The following AVL9 variants were observed in gnomAD, a reference collection of about 807,000 sequenced individuals.
AVL9 encodes late secretory pathway protein AVL9 homolog.
Under a neutral mutation model 79.2 loss-of-function variants are expected in AVL9, and 49 were observed. That is an observed-to-expected ratio of 0.62 (90% CI 0.49 to 0.79). The LOEUF is 0.79. AVL9 is among the 30% of genes least tolerant of loss of function. The pLI, the probability that AVL9 is intolerant of heterozygous loss-of-function variation, is 0.00. For synonymous variants in AVL9, 299 were observed against 280.6 expected (o/e 1.07, Z -0.65); for missense variants, 682 against 776.8 (o/e 0.88, Z 1.45).
In AVL9 at chr7:32,584,391, G is replaced by A. The variant is rs1283857367; in HGVS notation, c.*484G>A. ...CCTTCATTATTTTGCTGAATTATGT[G>A]ATGATTTTTTTGCTTTCTACCCACA... On this transcript the variant is annotated 3_prime_UTR_variant, in exon 16 of 16. Coordinates refer to ENST00000318709, the MANE Select transcript of AVL9 (RefSeq NM_015060.3). The A allele has an allele frequency of 6.5e-6, 1 of 153,520 alleles. No individual in the cohort carries two copies. The highest frequency in any genetic ancestry group is 1.5e-5 in the Non-Finnish European group (1 of 68,886). 9.5% of individuals were successfully genotyped at this position (153,520 alleles called of 1,614,324 possible).
At chr7:32,554,789 A>G (rs1002092105) in intron 8 of AVL9, among the ~76,000 whole-genome samples, 193 bp downstream of exon 8, 3 of 152,164 alleles carry the variant, frequency 2.0e-5, no homozygotes, top group Non-Finnish European at 2.9e-5. Flanking sequence ...TGTAGGTAAC[A>G]TACAACTCAA....
intron 9 of AVL9, 111 bp from the exon 10 acceptor site, chr7:32,558,818 T>G: frequency 9.0e-7 from 1 of 1,116,838 alleles, no homozygotes; most frequent in Non-Finnish European, 1.2e-6. Flanking sequence ...TTAATTAAAA[T>G]GTGTACAAGC....
At chr7:32,560,696 G>A (rs567517103) in intron 10 of AVL9, among the ~76,000 whole-genome samples, 51 of 152,174 alleles carry the variant, frequency 3.4e-4, no homozygotes, top group Non-Finnish European at 6.5e-4. Flanking sequence ...GGCATCTAGA[G>A]TAATGAATCT....
intron 1 of AVL9, among the ~76,000 whole-genome samples, chr7:32,516,565 G>A (rs967851078): frequency 1.3e-5 from 2 of 152,126 alleles, no homozygotes; most frequent in African/African-American, 4.8e-5. Flanking sequence ...GCAACGTGCA[G>A]CAGCCCTACA....
chr7:32,500,351 T>C (rs577768878), intron 1 of AVL9, among the ~76,000 whole-genome samples: 22 of 152,202 alleles, frequency 1.4e-4, no homozygotes, highest in African/African-American at 5.1e-4. Flanking sequence ...GATGATGAGC[T>C]TTTTTTCATA....
chr7:32,551,267 T>C, intron 4 of AVL9, 67 bp from the exon 5 acceptor site: 1 of 1,060,368 alleles, frequency 9.4e-7, no homozygotes, highest in Non-Finnish European at 1.4e-6. Context: ...TGTTTTACTA[T>C]TATCAACCAA....
chr7:32,579,098 C>A (rs1055773860), intron 13 of AVL9, among the ~76,000 whole-genome samples: 1 of 150,914 alleles, frequency 6.6e-6, no homozygotes, highest in Non-Finnish European at 1.5e-5. Flanking sequence ...AGTTTGTTAT[C>A]ATTTGAAGAA....
At chr7:32,496,863 G>C (rs1786841017) in intron 1 of AVL9, among the ~76,000 whole-genome samples, 1 of 152,222 alleles carries the variant, frequency 6.6e-6, no homozygotes, top group African/African-American at 2.4e-5. Flanking sequence ...CACTTTTAGA[G>C]ACTGATATGA....
At chr7:32,503,345 GAT>G (rs1562749405) in intron 1 of AVL9, among the ~76,000 whole-genome samples, 1 of 77,628 alleles carries the variant, frequency 1.3e-5, no homozygotes, top group East Asian at 4.3e-4. Flanking sequence ...TATATATATA[GAT>G]ATAGATATAG....
chr7:32,558,608 CTG>C lies in AVL9; in HGVS notation c.663_664del (p.Leu222IlefsTer8). 2 of 1,611,752 alleles carry C rather than the reference CTG, an allele frequency of 1.2e-6. No individual in the cohort carries two copies. Among genetic ancestry groups the C allele is most frequent in the African/African-American group, 1.3e-5 (1 of 74,902 alleles). ...AATAAATTGGTGGGTGCACTGATGA[CTG>C]TGTTATCCCTTTTTCCAGGTAAGAA... On this transcript the variant is annotated frameshift_variant, in exon 9 of 16. Transcript: ENST00000318709. LOFTEE classifies it high-confidence loss of function.
chr7:32,519,599 A>AT (rs892534579), intron 1 of AVL9, among the ~76,000 whole-genome samples: 84 of 152,208 alleles, frequency 5.5e-4, no homozygotes, highest in South Asian at 3.9e-3. Context: ...AGTAACCTTG[A>AT]TTTTTTTCAC....
intron 13 of AVL9, among the ~76,000 whole-genome samples, chr7:32,578,841 CAGAG>C (rs1366483066): frequency 6.6e-6 from 1 of 152,064 alleles, no homozygotes; most frequent in Non-Finnish European, 1.5e-5. Flanking sequence ...CTGTTGTTAT[CAGAG>C]GGTGTCATTT....
chr7:32,556,974 C>T (rs911065729), intron 8 of AVL9, among the ~76,000 whole-genome samples: 1 of 151,992 alleles, frequency 6.6e-6, no homozygotes, highest in African/African-American at 2.4e-5. Context: ...CCATTTTTTC[C>T]CCTGAATCAT....
In AVL9 at chr7:32,505,203, A is replaced by G. The variant is rs574707808; in HGVS notation, c.93+9401A>G. Among the ~76,000 whole-genome samples the G allele has an allele frequency of 2.0e-5, 3 of 152,050 alleles. No individual in the cohort carries two copies. In the East Asian group the frequency reaches 5.8e-4, roughly 30 times the overall value. ...CTTTTTATTTTATACTTCGTAATAT[A>G]TATCAAATCTAATTTAAAAGTTTTA... On this transcript the variant is annotated intron_variant, in intron 1 of 15. Transcript: ENST00000318709.
chr7:32,552,432 C>T (rs1186981908), intron 6 of AVL9, 137 bp downstream of exon 6: 4 of 567,878 alleles, frequency 7.0e-6, no homozygotes, highest in Non-Finnish European at 1.3e-5. Context: ...GCTGTTTCTT[C>T]CTTAAATATC....
At chr7:32,560,966 T>A (rs1251617944) in intron 10 of AVL9, among the ~76,000 whole-genome samples, 1 of 152,244 alleles carries the variant, frequency 6.6e-6, no homozygotes, top group Non-Finnish European at 1.5e-5. Flanking sequence ...TCTTTTTTTA[T>A]TTTCTTCTGA....
chr7:32,579,120 A>G (rs2128154037), intron 13 of AVL9, among the ~76,000 whole-genome samples: 1 of 150,656 alleles, frequency 6.6e-6, no homozygotes, highest in East Asian at 2.0e-4. Context: ...CATTAATTTT[A>G]TAAGCAGCTA....
intron 1 of AVL9, among the ~76,000 whole-genome samples, chr7:32,502,680 T>A (rs1192060477): frequency 6.6e-6 from 1 of 152,108 alleles, no homozygotes; most frequent in East Asian, 1.9e-4. Flanking sequence ...ATTGTAGCCA[T>A]TTTTTTGGTG....
At chr7:32,556,897 C>G (rs1380631169) in intron 8 of AVL9, among the ~76,000 whole-genome samples, 1 of 152,112 alleles carries the variant, frequency 6.6e-6, no homozygotes, top group Admixed American at 6.5e-5. Context: ...TCCTGAGTAG[C>G]TGGGACCACA....
Sources: allele counts gnomAD v4.1 joint callset (sites outside exome capture counted in the v4.1 genomes callset), GRCh38; gene constraint gnomAD v4.1.1; transcripts MANE v1.5; gene names NCBI Gene and HGNC (gene_info 2026-07-23, HGNC 2026-07-21).